The following SPIDR variants were observed in gnomAD, a reference collection of about 807,000 sequenced individuals.
The protein encoded by SPIDR is DNA repair-scaffolding protein.
A neutral mutation model predicts 104.6 loss-of-function variants in SPIDR; 93 were observed. The observed-to-expected ratio is 0.89, with a 90% CI of 0.75 to 1.06. The LOEUF (loss-of-function observed/expected upper bound fraction) is 1.06. Among genes scored for constraint, SPIDR ranks in the 50% least tolerant of loss-of-function variants. SPIDR has a pLI of 0.00. For missense variants in SPIDR, 1,154 were observed against 1,111.2 expected (o/e 1.04, Z -0.55); for synonymous variants, 431 against 416.9 (o/e 1.03, Z -0.41).
chr8:47,590,277 T>G (rs1343826491), intron 8 of SPIDR, among the ~76,000 whole-genome samples: 1 of 152,200 alleles, frequency 6.6e-6, no homozygotes, highest in Non-Finnish European at 1.5e-5. Flanking sequence ...GATTTGAGAC[T>G]TTTTTCTTTT....
intron 8 of SPIDR, among the ~76,000 whole-genome samples, chr8:47,579,876 T>G (rs1014335906): frequency 1.7e-4 from 26 of 152,298 alleles, no homozygotes; most frequent in African/African-American, 6.0e-4. Context: ...CATATCCAAG[T>G]AGGGAGTCCT....
intron 8 of SPIDR, among the ~76,000 whole-genome samples, chr8:47,550,593 G>A (rs1249771668): frequency 2.0e-5 from 3 of 152,162 alleles, no homozygotes; most frequent in Non-Finnish European, 4.4e-5. Context: ...ATATAGGAAT[G>A]CTTGTGATTT....
intron 6 of SPIDR, among the ~76,000 whole-genome samples, chr8:47,401,148 C>T (rs533994792): frequency 5.8e-4 from 88 of 152,296 alleles, no homozygotes; most frequent in African/African-American, 2.0e-3. Context: ...TCGGCAGACA[C>T]TCTAGAAGCC....
chr8:47,728,327 C>T (rs185658561), intron 17 of SPIDR, among the ~76,000 whole-genome samples: 3 of 151,794 alleles, frequency 2.0e-5, no homozygotes, highest in Admixed American at 2.0e-4. Context: ...CCCAGCTACT[C>T]CAGAGGCTGA....
chr8:47,334,689 G>A (rs2049368056), intron 5 of SPIDR, among the ~76,000 whole-genome samples: 1 of 152,004 alleles, frequency 6.6e-6, no homozygotes, highest in African/African-American at 2.4e-5. Flanking sequence ...ACATGCAGTT[G>A]GCTCTTGTTT....
chr8:47,717,219 A>G (rs1213693788), intron 16 of SPIDR, among the ~76,000 whole-genome samples: 3 of 152,126 alleles, frequency 2.0e-5, no homozygotes, highest in Non-Finnish European at 4.4e-5. Flanking sequence ...AGGCTCATGT[A>G]TAAGGACATC....
Position 47,403,576 on chromosome 8 carries a change from A to G in SPIDR, c.777-4285A>G, listed in dbSNP as rs574140289. On this transcript the variant is annotated intron_variant, in intron 6 of 19. Transcript: ENST00000297423. ...TACACCAATAACAGACAAAACAGCCAAATTATGAGTGAACTCCCATTCACA... is the reference window on the plus strand; with the variant it reads ...TACACCAATAACAGACAAAACAGCCGAATTATGAGTGAACTCCCATTCACA... 1.8e-4 allele frequency among the ~76,000 whole-genome samples: 28 copies of G among 152,318 alleles called. No individual in the cohort carries two copies. In the East Asian group the frequency reaches 5.4e-3, roughly 29 times the overall value.
chr8:47,320,524 A>G (rs1417764783), intron 5 of SPIDR, among the ~76,000 whole-genome samples: 1 of 152,226 alleles, frequency 6.6e-6, no homozygotes, highest in East Asian at 1.9e-4. Context: ...AGGTACAAGG[A>G]GGAGCTGGTA....
intron 11 of SPIDR, among the ~76,000 whole-genome samples, chr8:47,693,631 G>T (rs2078970855): frequency 6.6e-6 from 1 of 152,084 alleles, no homozygotes; most frequent in Admixed American, 6.5e-5. Context: ...CATAGAGCCT[G>T]CCCTCAGGAG....
chr8:47,644,373 A>G (rs918019771), intron 10 of SPIDR, among the ~76,000 whole-genome samples: 1 of 152,152 alleles, frequency 6.6e-6, no homozygotes, highest in Non-Finnish European at 1.5e-5. Context: ...CTATCACGCA[A>G]GTTGTTTCAT....
At chr8:47,480,799 G>A (rs1258231583) in intron 8 of SPIDR, among the ~76,000 whole-genome samples, 1 of 152,172 alleles carries the variant, frequency 6.6e-6, no homozygotes, top group Non-Finnish European at 1.5e-5. Flanking sequence ...CTATTCCTGA[G>A]GCCCTATGAG....
chr8:47,679,221 G>T (rs2076804585), intron 11 of SPIDR, among the ~76,000 whole-genome samples: 1 of 152,224 alleles, frequency 6.6e-6, no homozygotes, highest in African/African-American at 2.4e-5. Context: ...ATGTCAGTGA[G>T]CAGTGTCACT....
intron 19 of SPIDR, chr8:47,732,433 G>A: frequency 1.9e-6 from 1 of 535,276 alleles, no homozygotes; most frequent in East Asian, 3.2e-5. Context: ...GTGTGCATTG[G>A]GTGAGGGCCA....
chr8:47,686,073 A>G (rs2077774128), intron 11 of SPIDR, among the ~76,000 whole-genome samples: 2 of 152,136 alleles, frequency 1.3e-5, no homozygotes, highest in Admixed American at 6.5e-5. Flanking sequence ...AAAACAAATT[A>G]TGTGAAGTTG....
At position 47,438,132 on chromosome 8, in the gene SPIDR, GC is replaced by G. The variant is rs1427791987; in HGVS notation, c.878-2190del. ...GGCAGGCAGCTGAGCATGGCTGGGG[GC>G]TGCCACAGTGCGCAGAACCAAGAGC... On this transcript the variant is annotated intron_variant, in intron 7 of 19. Transcript: ENST00000297423. Among the ~76,000 whole-genome samples the G allele has an allele frequency of 1.1e-4, 16 of 152,310 alleles. No individual in the cohort carries two copies. The East Asian group carries it at 2.7e-3, about 26-fold the overall frequency.
intron 5 of SPIDR, among the ~76,000 whole-genome samples, chr8:47,337,814 G>C (rs2050050456): frequency 6.6e-6 from 1 of 152,126 alleles, no homozygotes. Flanking sequence ...TTCAGCTGTT[G>C]TAGCACCATG....
At chr8:47,405,115 G>C (rs1554666443) in intron 6 of SPIDR, among the ~76,000 whole-genome samples, 1 of 151,960 alleles carries the variant, frequency 6.6e-6, no homozygotes, top group Non-Finnish European at 1.5e-5. Context: ...AGGAGAACCA[G>C]ACACCGCATG....
chr8:47,565,416 A>G (rs2057664212), intron 8 of SPIDR, among the ~76,000 whole-genome samples: 1 of 152,198 alleles, frequency 6.6e-6, no homozygotes, highest in African/African-American at 2.4e-5. Context: ...TTATTTTAAC[A>G]TTTTAAAAGT....
At chr8:47,419,331 C>G (rs1211153882) in intron 7 of SPIDR, 1 of 152,172 alleles carries the variant, frequency 6.6e-6, no homozygotes, top group African/African-American at 2.4e-5. Flanking sequence ...TCAACTTCTT[C>G]CTGGTTTAGT....
Sources: gnomAD v4.1 joint callset for allele counts (sites outside exome capture counted in the v4.1 genomes callset) on GRCh38, gnomAD v4.1.1 for gene constraint, MANE v1.5 for transcripts, NCBI Gene and HGNC (gene_info 2026-07-23, HGNC 2026-07-21) for gene names.